BCAS1: variants seen among roughly 807,000 people sequenced by gnomAD.
BCAS1 encodes the protein brain enriched myelin associated protein 1, also known as breast carcinoma-amplified sequence 1.
BCAS1 carries 46 observed loss-of-function variants against 65.4 expected under a neutral mutation model. That is an observed-to-expected ratio of 0.70 (90% CI 0.55 to 0.90). The LOEUF (loss-of-function observed/expected upper bound fraction) is 0.90. BCAS1 is among the 40% of genes least tolerant of loss of function. BCAS1 has a pLI of 0.00. For synonymous variants in BCAS1, 298 were observed against 293.5 expected (o/e 1.02, Z -0.16); for missense variants, 793 against 771.2 (o/e 1.03, Z -0.33).
At position 53,975,378 on chromosome 20, in the gene BCAS1, GTGT is replaced by G; in HGVS notation, c.1317+8_1317+10del. On this transcript the variant is annotated splice_region_variant and intron_variant, in intron 9 of 12. Coordinates refer to ENST00000688948, the MANE Select transcript of BCAS1 (RefSeq NM_001366298.2). ...GAATGGAATGATTCTGCCGTGGTGT[GTGT>G]AACTTACATTCTCCTCCGCACCTGT... The G allele has an allele frequency of 6.2e-7, 1 of 1,609,810 alleles. No individual in the cohort carries two copies. The highest frequency in any genetic ancestry group is 8.5e-7 in the Non-Finnish European group (1 of 1,176,524).
At chr20:53,947,747 T>C (rs1212374023) in intron 12 of BCAS1, among the ~76,000 whole-genome samples, 1 of 152,098 alleles carries the variant, frequency 6.6e-6, no homozygotes, top group East Asian at 1.9e-4. Flanking sequence ...ACCCCTCCAT[T>C]TACCGTGCAT....
chr20:53,956,320 A>C (rs920559357), intron 11 of BCAS1, among the ~76,000 whole-genome samples: 19 of 152,252 alleles, frequency 1.2e-4, no homozygotes, highest in African/African-American at 4.6e-4. Flanking sequence ...ACAAGCAAGA[A>C]GGTGGCCATT....
At chr20:53,977,070 G>T (rs1419730146) in intron 8 of BCAS1, among the ~76,000 whole-genome samples, 1 of 152,130 alleles carries the variant, frequency 6.6e-6, no homozygotes, top group African/African-American at 2.4e-5. Flanking sequence ...GGGGAAACAG[G>T]CACATCTTAC....
At chr20:53,978,835 A>G (rs1241095174) in intron 8 of BCAS1, among the ~76,000 whole-genome samples, 1 of 151,244 alleles carries the variant, frequency 6.6e-6, no homozygotes, top group African/African-American at 2.4e-5. Flanking sequence ...AGAGTACCAT[A>G]CACTGTGGAA....
At chr20:53,958,137 T>G (rs2089760912) in intron 10 of BCAS1, among the ~76,000 whole-genome samples, 2 of 152,064 alleles carry the variant, frequency 1.3e-5, no homozygotes, top group African/African-American at 2.4e-5. Flanking sequence ...ATCAGAAGCT[T>G]TCAGAGGCAG....
At chr20:53,990,834 T>TA (rs1207602017) in intron 7 of BCAS1, among the ~76,000 whole-genome samples, 11 of 152,188 alleles carry the variant, frequency 7.2e-5, no homozygotes, top group African/African-American at 2.4e-4. Flanking sequence ...CATAAAAAAA[T>TA]ACACTGAATG....
At chr20:54,061,205 G>C (rs191702931) in intron 1 of BCAS1, among the ~76,000 whole-genome samples, 3 of 152,266 alleles carry the variant, frequency 2.0e-5, no homozygotes, top group Non-Finnish European at 4.4e-5. Flanking sequence ...CCCAGTTAAT[G>C]AGCAAGATTC....
At chr20:53,995,162 CA>C (rs2090873478) in intron 5 of BCAS1, 106 bp from the exon 6 acceptor site, 1 of 913,360 alleles carries the variant, frequency 1.1e-6, no homozygotes, top group East Asian at 2.5e-5. Context: ...CCATACAGGT[CA>C]AGAATAAAAT....
At chr20:53,964,505 C>A (rs2089975174) in intron 10 of BCAS1, among the ~76,000 whole-genome samples, 1 of 152,298 alleles carries the variant, frequency 6.6e-6, no homozygotes, top group South Asian at 2.1e-4. Context: ...TCGTGGGCAA[C>A]TGGTAATAAG....
rs7345608 is a variant in BCAS1, at chr20:54,052,055, A to T, written c.142+6030T>A. On this transcript the variant is annotated intron_variant, in intron 3 of 12. Transcript: ENST00000688948. ...CACCCAGCCAACTATGCTGATTTTT[A>T]AAAAACTTCATTGTACCTTAACAGC... 1.1e-3 allele frequency among the ~76,000 whole-genome samples: 161 copies of T among 152,306 alleles called. 1 individual carries two copies. The highest frequency in any genetic ancestry group is 1.7e-3 in the Non-Finnish European group (118 of 68,018).
intron 3 of BCAS1, among the ~76,000 whole-genome samples, chr20:54,055,053 T>C (rs989270476): frequency 1.3e-5 from 2 of 151,912 alleles, no homozygotes; most frequent in African/African-American, 4.8e-5. Context: ...GAAAGTGAGA[T>C]GGAGGATGGA....
chr20:54,047,244 C>T (rs290421), intron 3 of BCAS1, among the ~76,000 whole-genome samples: 48,259 of 152,064 alleles, frequency 0.32, 7,979 homozygotes, highest in South Asian at 0.42. Flanking sequence ...TTGCAAGAGA[C>T]AAGGCAGAAG....
At chr20:54,054,597 A>G (rs1002696429) in intron 3 of BCAS1, among the ~76,000 whole-genome samples, 8 of 152,238 alleles carry the variant, frequency 5.3e-5, no homozygotes, top group Non-Finnish European at 1.0e-4. Context: ...CAAGTTTCAC[A>G]GGTTGAAGAT....
At chr20:53,977,741 A>G (rs989602682) in intron 8 of BCAS1, among the ~76,000 whole-genome samples, 4 of 152,202 alleles carry the variant, frequency 2.6e-5, no homozygotes, top group African/African-American at 9.7e-5. Context: ...CTGGCATTAT[A>G]AATATTGTCT....
intron 12 of BCAS1, among the ~76,000 whole-genome samples, chr20:53,950,875 T>TAC (rs3833996): frequency 0.48 from 72,851 of 151,964 alleles, 17,617 homozygotes; most frequent in Admixed American, 0.53. Flanking sequence ...TGAAAGCAGC[T>TAC]AGACAACATG....
At chr20:53,985,598 A>G in intron 7 of BCAS1, 99 bp from the exon 8 acceptor site, 4 of 1,032,264 alleles carry the variant, frequency 3.9e-6, no homozygotes, top group Admixed American at 2.7e-5. Context: ...GAGGTTATAC[A>G]TAATGTTAAT....
intron 4 of BCAS1, among the ~76,000 whole-genome samples, chr20:54,012,327 T>C (rs764264217): frequency 2.0e-4 from 31 of 152,180 alleles, no homozygotes; most frequent in Non-Finnish European, 3.8e-4. Context: ...CTCTATTTGA[T>C]TGTATCATTG....
intron 10 of BCAS1, among the ~76,000 whole-genome samples, chr20:53,959,617 C>T (rs1435328934): frequency 2.0e-5 from 3 of 152,114 alleles, no homozygotes; most frequent in South Asian, 2.1e-4. Flanking sequence ...AGGTTGGTCT[C>T]GAGCTCCTGG....
chr20:54,058,566 C>T (rs2092331970), intron 2 of BCAS1, 81 bp downstream of exon 2: 1 of 1,520,406 alleles, frequency 6.6e-7, no homozygotes, highest in East Asian at 2.3e-5. Context: ...GGACTTCAGT[C>T]AACACACTTG....
Sources: allele counts gnomAD v4.1 joint callset (sites outside exome capture counted in the v4.1 genomes callset), GRCh38; gene constraint gnomAD v4.1.1; transcripts MANE v1.5; gene names NCBI Gene and HGNC (gene_info 2026-07-23, HGNC 2026-07-21).